Variants in BRD7 observed in about 807,000 individuals in gnomAD.
BRD7 encodes bromodomain containing 7.
A neutral mutation model predicts 82.1 loss-of-function variants in BRD7; 15 were observed. The ratio of observed to expected loss-of-function variants is 0.18; its 90% CI spans 0.12 to 0.28. The LOEUF is 0.28. BRD7 is among the 10% of genes least tolerant of loss of function. BRD7 has a pLI of 1.00. For missense variants in BRD7, 638 were observed against 779.9 expected, an observed-to-expected ratio of 0.82 and a Z score of 2.17; for synonymous variants, 232 against 266.9, an observed-to-expected ratio of 0.87 and a Z score of 1.27.
intron 2 of BRD7, among the ~76,000 whole-genome samples, chr16:50,355,724 C>T (rs2038705817): frequency 6.6e-6 from 1 of 152,126 alleles, no homozygotes. Flanking sequence ...AGCAAAGCTT[C>T]AGAACTTCAG....
intron 13 of BRD7, 90 bp from the exon 14 acceptor site, chr16:50,320,864 G>A (rs2037071625): frequency 2.3e-6 from 2 of 863,052 alleles, no homozygotes; most frequent in South Asian, 1.4e-5. Context: ...TGTATTTACA[G>A]GCAAAGTTAT....
chr16:50,319,882 C>T lies in BRD7; in HGVS notation c.1900+5G>A, dbSNP rs778310174. The T allele has an allele frequency of 1.6e-5, 26 of 1,610,820 alleles. No individual in the cohort carries two copies. Among genetic ancestry groups the T allele is most frequent in the South Asian group, 1.2e-4 (11 of 90,834 alleles). On this transcript the variant is annotated splice_donor_5th_base_variant and intron_variant, in intron 16 of 16. Coordinates refer to ENST00000394688, the MANE Select transcript of BRD7 (RefSeq NM_013263.5). ...CTGCTTTCCCAGAGAAAACAGGGCA[C>T]GTACCTTCTGTCAAATCCACAAAGT...
chr16:50,320,801 T>TA (rs1489113516), intron 13 of BRD7, 27 bp from the exon 14 acceptor site: 15 of 1,505,760 alleles, frequency 1.0e-5, no homozygotes, highest in Non-Finnish European at 1.2e-5. Flanking sequence ...AACAGGCAAT[T>TA]ACTGGCGCTT....
At chr16:50,332,829 C>A (rs1422249359) in intron 8 of BRD7, among the ~76,000 whole-genome samples, 1 of 152,170 alleles carries the variant, frequency 6.6e-6, no homozygotes, top group East Asian at 1.9e-4. Flanking sequence ...ATGTCCCCTG[C>A]AACGACATGG....
At chr16:50,354,380 A>T in intron 4 of BRD7, 45 bp downstream of exon 4, 1 of 1,497,002 alleles carries the variant, frequency 6.7e-7, no homozygotes, top group Non-Finnish European at 9.3e-7. Context: ...CTACACATCT[A>T]CCATTTTAAT....
chr16:50,365,122 TGGA>T (rs1354723292), intron 2 of BRD7, among the ~76,000 whole-genome samples: 3 of 152,056 alleles, frequency 2.0e-5, no homozygotes, highest in Admixed American at 6.5e-5. Flanking sequence ...AGCTCAGAAC[TGGA>T]GGAGGCAGGG....
chr16:50,362,987 T>C (rs114239951), intron 2 of BRD7, among the ~76,000 whole-genome samples: 2,624 of 152,246 alleles, frequency 0.017, 68 homozygotes, highest in African/African-American at 0.059. Context: ...GTAGGGAGTA[T>C]AGTAGGATGA....
chr16:50,331,558 C>T (rs1157133854), intron 8 of BRD7, among the ~76,000 whole-genome samples: 4 of 152,216 alleles, frequency 2.6e-5, no homozygotes, highest in South Asian at 4.1e-4. Flanking sequence ...AAAAATTAGC[C>T]GGACATGGTG....
chr16:50,368,628 A>G, intron 1 of BRD7, 98 bp downstream of exon 1: 1 of 1,165,130 alleles, frequency 8.6e-7, no homozygotes, highest in East Asian at 3.6e-5. Flanking sequence ...CTGCCGTGGG[A>G]AGGAAGGGCC....
In BRD7 at chr16:50,318,879, C is replaced by T. The variant is rs551691060; in HGVS notation, c.*332G>A. The T allele has an allele frequency of 2.6e-4, 56 of 216,464 alleles. No homozygotes were observed. Among genetic ancestry groups the T allele is most frequent in the Non-Finnish European group, 4.4e-4 (48 of 110,162 alleles). The allele number at this position is 216,464 out of a possible 1,614,324, so 13.4% of individuals were successfully genotyped here. ...ATTCTAAAATTATTTCAAGTATGTT[C>T]GTATAACGGAAAATCTCACTGGATG... On this transcript the variant is annotated 3_prime_UTR_variant, in exon 17 of 17. Coordinates refer to ENST00000394688, the MANE Select transcript of BRD7 (RefSeq NM_013263.5).
intron 8 of BRD7, among the ~76,000 whole-genome samples, chr16:50,329,531 G>A (rs376508416): frequency 7.2e-5 from 11 of 152,216 alleles, no homozygotes; most frequent in Non-Finnish European, 1.5e-4. Flanking sequence ...GGAAGCATCC[G>A]TGGAGGAAAT....
At position 50,317,312 on chromosome 16, in the gene BRD7, T is replaced by C. The variant is rs2036848000; in HGVS notation, c.*1899A>G. 6.6e-6 allele frequency: 1 copy of C among 152,442 alleles called. No homozygotes were observed. Among genetic ancestry groups the C allele is most frequent in the Non-Finnish European group, 1.5e-5 (1 of 68,040 alleles). The allele number at this position is 152,442 out of a possible 1,614,324, so 9.4% of individuals were successfully genotyped here. A position where few individuals can be genotyped will look rare whatever the true frequency, so the allele number is the denominator to read the frequency against. On this transcript the variant is annotated 3_prime_UTR_variant, in exon 17 of 17. Coordinates refer to ENST00000394688, the MANE Select transcript of BRD7 (RefSeq NM_013263.5). ...GCCTTTTTTACACACCAAAACTTTT[T>C]ACATGAAGGGCTGGTTTCACATGAA... is the stretch of plus-strand genomic sequence containing the variant.
intron 13 of BRD7, 103 bp from the exon 14 acceptor site, chr16:50,320,877 T>A: frequency 3.9e-6 from 3 of 773,044 alleles, no homozygotes; most frequent in South Asian, 3.0e-5. Context: ...AAAGTTATTC[T>A]ACCTATTTAC....
chr16:50,328,780 G>A, intron 8 of BRD7, 36 bp from the exon 9 acceptor site: 9 of 1,587,100 alleles, frequency 5.7e-6, no homozygotes, highest in Non-Finnish European at 7.8e-6. Flanking sequence ...GGAATGAAGT[G>A]TTTTATACAA....
Position 50,341,934 on chromosome 16 carries a change from A to T in BRD7, c.592-1848T>A, listed in dbSNP as rs1004755783. ...GAGTCTTCCTGCACACTTTTCACAC[A>T]CACACACACACACACACACACACAC... On this transcript the variant is annotated intron_variant, in intron 5 of 16. Transcript: ENST00000394688. Among the ~76,000 whole-genome samples the T allele has an allele frequency of 9.3e-4, 132 of 142,238 alleles. 1 individual carries two copies. Among genetic ancestry groups the T allele is most frequent in the African/African-American group, 2.3e-3 (84 of 36,366 alleles). The allele number at this position is 142,238 out of a possible 152,430, so 93.3% of individuals were successfully genotyped here.
rs2037694071 is a variant in BRD7 at position 50,334,212 on chromosome 16, CTG to C, written c.887+497_887+498del. Among the ~76,000 whole-genome samples, 6 of 152,178 alleles carry C rather than the reference CTG, an allele frequency of 3.9e-5. No individual in the cohort carries two copies. In the South Asian group the frequency reaches 1.2e-3, roughly 32 times the overall value. On this transcript the variant is annotated intron_variant, in intron 7 of 16. Transcript: ENST00000394688. ...CAGTAGTGTGAACGGGCAGATGCGG[CTG>C]CCGTCAGCTGCACAGGTGGCTGCCT...
intron 5 of BRD7, 37 bp from the exon 6 acceptor site, chr16:50,340,123 G>T: frequency 7.8e-7 from 1 of 1,277,692 alleles, no homozygotes; most frequent in Non-Finnish European, 1.1e-6. Flanking sequence ...ATGCATTAAT[G>T]CAAAACAAAC....
chr16:50,365,058 T>A (rs562726868), intron 2 of BRD7, among the ~76,000 whole-genome samples: 4 of 152,276 alleles, frequency 2.6e-5, no homozygotes. Flanking sequence ...GATACTCCCG[T>A]ATGCAGAGAG....
intron 7 of BRD7, 25 bp from the exon 8 acceptor site, chr16:50,333,722 T>TAA (rs56370009): frequency 0.065 from 58,747 of 900,618 alleles, 1 homozygote; most frequent in South Asian, 0.083. Flanking sequence ...TAATACTAAG[T>TAA]AAAAAAAAAA....
Sources: allele counts gnomAD v4.1 joint callset (sites outside exome capture counted in the v4.1 genomes callset), GRCh38; gene constraint gnomAD v4.1.1; transcripts MANE v1.5; gene names NCBI Gene and HGNC (gene_info 2026-07-23, HGNC 2026-07-21).